The following GPR158 variants were observed in gnomAD, a reference collection of about 807,000 sequenced individuals.
GPR158 encodes the protein metabotropic glycine receptor.
A neutral mutation model predicts 78.2 loss-of-function variants in GPR158; 30 were observed. The ratio of observed to expected loss-of-function variants is 0.38; its 90% CI spans 0.29 to 0.52. The LOEUF is 0.52. Ranked by LOEUF, GPR158 falls within the 20% of genes least tolerant of loss-of-function variation. The pLI is 0.83. For synonymous variants in GPR158, 581 were observed against 591.1 expected, an observed-to-expected ratio of 0.98 and a Z score of 0.25; for missense variants, 1,463 against 1,523.5, an observed-to-expected ratio of 0.96 and a Z score of 0.66.
intron 7 of GPR158, among the ~76,000 whole-genome samples, chr10:25,586,868 G>A (rs1588925035): frequency 6.6e-6 from 1 of 152,304 alleles, no homozygotes; most frequent in African/African-American, 2.4e-5. Flanking sequence ...AACTGTTACT[G>A]AAATGCCAGG....
intron 4 of GPR158, among the ~76,000 whole-genome samples, chr10:25,435,361 T>C (rs1326016917): frequency 6.6e-6 from 1 of 152,174 alleles, no homozygotes. Flanking sequence ...TAAATGAGGT[T>C]GTTTCTGAAG....
intron 4 of GPR158, among the ~76,000 whole-genome samples, chr10:25,461,122 C>T (rs372971624): frequency 4.6e-5 from 7 of 152,192 alleles, no homozygotes; most frequent in Admixed American, 4.6e-4. Context: ...GAAATTAGGC[C>T]AATTAATAAT....
chr10:25,222,130 G>A (rs117273771), intron 2 of GPR158, among the ~76,000 whole-genome samples: 1 of 151,940 alleles, frequency 6.6e-6, no homozygotes, highest in African/African-American at 2.4e-5. Flanking sequence ...GCATATACAT[G>A]TATATACGCC....
At chr10:25,511,121 G>A (rs1473689921) in intron 5 of GPR158, among the ~76,000 whole-genome samples, 3 of 152,074 alleles carry the variant, frequency 2.0e-5, no homozygotes, top group Non-Finnish European at 2.9e-5. Flanking sequence ...GACTTTCCAC[G>A]CTGTTTACAA....
chr10:25,305,023 G>C (rs1443707485), intron 2 of GPR158, among the ~76,000 whole-genome samples: 1 of 152,172 alleles, frequency 6.6e-6, no homozygotes, highest in Non-Finnish European at 1.5e-5. Flanking sequence ...GGCTCTACCT[G>C]TTCAGATACT....
intron 2 of GPR158, among the ~76,000 whole-genome samples, chr10:25,269,344 TTA>T (rs1331817705): frequency 2.6e-5 from 4 of 152,194 alleles, no homozygotes; most frequent in African/African-American, 9.6e-5. Context: ...AAGTTCTACT[TTA>T]TATCCTTTGT....
At chr10:25,590,663 TAACAA>T in intron 8 of GPR158, among the ~76,000 whole-genome samples, 1 of 152,274 alleles carries the variant, frequency 6.6e-6, no homozygotes, top group Middle Eastern at 3.4e-3. Flanking sequence ...ACAAATCGAC[TAACAA>T]ATCAACTAAA....
At chr10:25,443,299 A>G (rs1048892948) in intron 4 of GPR158, among the ~76,000 whole-genome samples, 2 of 152,070 alleles carry the variant, frequency 1.3e-5, no homozygotes, top group African/African-American at 4.8e-5. Context: ...TCATGTCTGT[A>G]ATCCCAGCAC....
chr10:25,183,114 A>G (rs1852634213), intron 1 of GPR158, among the ~76,000 whole-genome samples: 1 of 152,214 alleles, frequency 6.6e-6, no homozygotes, highest in Non-Finnish European at 1.5e-5. Flanking sequence ...GTAACAAACT[A>G]AAATTACACA....
intron 2 of GPR158, among the ~76,000 whole-genome samples, chr10:25,340,911 C>T (rs1044028489): frequency 2.0e-5 from 3 of 151,786 alleles, no homozygotes; most frequent in African/African-American, 7.3e-5. Context: ...AAAATGAAAA[C>T]CAAAACTATA....
At position 25,223,451 on chromosome 10, in the gene GPR158, G is replaced by A. The variant is rs141610259; in HGVS notation, c.1008+2294G>A. Among the ~76,000 whole-genome samples, 723 of 152,248 alleles carry A rather than the reference G, an allele frequency of 4.7e-3. 5 individuals carry two copies. Among genetic ancestry groups the A allele is most frequent in the African/African-American group, 0.015 (635 of 41,536 alleles). On this transcript the variant is annotated intron_variant, in intron 2 of 10. Transcript: ENST00000376351. ...CATTGTATTGGGCTTCTCTAAGGTC[G>A]TATAGTTTGTGCTGGTCACTCTAGG... is the stretch of plus-strand genomic sequence containing the variant.
At chr10:25,563,044 A>C (rs1299124025) in intron 6 of GPR158, among the ~76,000 whole-genome samples, 3 of 152,176 alleles carry the variant, frequency 2.0e-5, no homozygotes, top group Non-Finnish European at 4.4e-5. Flanking sequence ...TTTTGTCTCC[A>C]ACAAATGTTA....
At chr10:25,442,743 C>G (rs1835085254) in intron 4 of GPR158, among the ~76,000 whole-genome samples, 2 of 152,056 alleles carry the variant, frequency 1.3e-5, no homozygotes, top group Admixed American at 1.3e-4. Context: ...AAGTCCATTT[C>G]AAAGTTCCAT....
intron 2 of GPR158, among the ~76,000 whole-genome samples, chr10:25,365,693 A>G (rs1028940951): frequency 6.6e-6 from 1 of 151,564 alleles, no homozygotes; most frequent in Non-Finnish European, 1.5e-5. Flanking sequence ...TGAAGGAGAA[A>G]GGAACTAAAA....
chr10:25,241,108 T>C (rs1269014331), intron 2 of GPR158, among the ~76,000 whole-genome samples: 1 of 150,072 alleles, frequency 6.7e-6, no homozygotes, highest in African/African-American at 2.5e-5. Context: ...TGACCAAATA[T>C]TGAATTTTTA....
At position 25,219,107 on chromosome 10, in the gene GPR158, C is replaced by T. The variant is rs1247184526; in HGVS notation, c.903-1945C>T. 2.0e-5 allele frequency among the ~76,000 whole-genome samples: 3 copies of T among 152,304 alleles called. No individual in the cohort carries two copies. In the East Asian group the frequency reaches 5.8e-4, roughly 29 times the overall value. ...CATGATTGGATTAACTTTGGTGGAA[C>T]CTACTTCGATTGAAAGTTCTGATAG... On this transcript the variant is annotated intron_variant, in intron 1 of 10. Transcript: ENST00000376351.
chr10:25,230,516 T>C (rs766065373), intron 2 of GPR158, among the ~76,000 whole-genome samples: 9 of 152,176 alleles, frequency 5.9e-5, no homozygotes, highest in Non-Finnish European at 1.3e-4. Context: ...ACGAAGGACT[T>C]TGAAACCTTA....
chr10:25,358,574 C>A (rs1855584523), intron 2 of GPR158, among the ~76,000 whole-genome samples: 1 of 152,068 alleles, frequency 6.6e-6, no homozygotes, highest in South Asian at 2.1e-4. Context: ...TTTTTACCTG[C>A]AGCCATCCAT....
At chr10:25,588,149 T>C (rs1837294889) in intron 7 of GPR158, among the ~76,000 whole-genome samples, 1 of 152,252 alleles carries the variant, frequency 6.6e-6, no homozygotes, top group Non-Finnish European at 1.5e-5. Flanking sequence ...TGTCAGAAAC[T>C]ATGTTAAGTG....
Sources: gnomAD v4.1 joint callset for allele counts (sites outside exome capture counted in the v4.1 genomes callset) on GRCh38, gnomAD v4.1.1 for gene constraint, MANE v1.5 for transcripts, NCBI Gene and HGNC (gene_info 2026-07-23, HGNC 2026-07-21) for gene names.